The following LRRC4C variants were observed in gnomAD, a reference collection of about 807,000 sequenced individuals.
LRRC4C encodes leucine rich repeat containing 4C.
Under a neutral mutation model 33.6 loss-of-function variants are expected in LRRC4C, and 5 were observed. The observed-to-expected ratio is 0.15, with a 90% CI of 0.08 to 0.31. The LOEUF is 0.31. Among genes scored for constraint, LRRC4C ranks in the 10% least tolerant of loss-of-function variants. LRRC4C has a pLI of 1.00. For missense variants in LRRC4C, 560 were observed against 796.7 expected (o/e 0.70, Z 3.58); for synonymous variants, 329 against 302.0 (o/e 1.09, Z -0.93).
chr11:40,657,650 G>A (rs769780870), intron 2 of LRRC4C, among the ~76,000 whole-genome samples: 2 of 152,164 alleles, frequency 1.3e-5, no homozygotes, highest in Non-Finnish European at 2.9e-5. Flanking sequence ...GCTTCAAGTT[G>A]TCCTGCCTTT....
At chr11:41,118,802 C>A (rs2135747529) in intron 1 of LRRC4C, among the ~76,000 whole-genome samples, 1 of 152,186 alleles carries the variant, frequency 6.6e-6, no homozygotes, top group East Asian at 1.9e-4. Context: ...CAATAAATAG[C>A]CCTGTGGAAC....
At chr11:41,050,236 G>T (rs1248460570) in intron 1 of LRRC4C, among the ~76,000 whole-genome samples, 1 of 152,074 alleles carries the variant, frequency 6.6e-6, no homozygotes, top group Non-Finnish European at 1.5e-5. Flanking sequence ...CATATTTAGT[G>T]TACTCATCTG....
intron 2 of LRRC4C, among the ~76,000 whole-genome samples, chr11:40,723,645 A>G (rs1947139739): frequency 1.3e-5 from 2 of 152,140 alleles, no homozygotes; most frequent in Non-Finnish European, 2.9e-5. Context: ...TACACCTCCT[A>G]CCACAAAAAC....
intron 2 of LRRC4C, among the ~76,000 whole-genome samples, chr11:40,780,976 C>A (rs1033488877): frequency 6.6e-6 from 1 of 151,940 alleles, no homozygotes; most frequent in Non-Finnish European, 1.5e-5. Context: ...TTACTGACAG[C>A]GATATGTTCT....
Position 40,859,703 on chromosome 11 carries a change from T to C in LRRC4C, c.-407+73932A>G, listed in dbSNP as rs560749803. ...CGCCAAAAGATGGAAACAGCCCAAA[T>C]TTTTATTAACAATTGTGATATGTGT... is the stretch of plus-strand genomic sequence containing the variant. On this transcript the variant is annotated intron_variant, in intron 2 of 6. Coordinates refer to ENST00000528697, the MANE Select transcript of LRRC4C (RefSeq NM_001258419.2). Among the ~76,000 whole-genome samples, 15 of 152,294 alleles carry C rather than the reference T, an allele frequency of 9.8e-5. No individual in the cohort carries two copies. The South Asian group carries it at 2.9e-3, about 29-fold the overall frequency.
intron 1 of LRRC4C, among the ~76,000 whole-genome samples, chr11:41,380,061 A>G (rs1953086344): frequency 6.6e-6 from 1 of 152,100 alleles, no homozygotes; most frequent in Non-Finnish European, 1.5e-5. Flanking sequence ...GCAATGGGAA[A>G]TTTTAAGGAG....
chr11:40,648,779 C>A (rs997616326), intron 2 of LRRC4C, among the ~76,000 whole-genome samples: 7 of 152,120 alleles, frequency 4.6e-5, no homozygotes, highest in African/African-American at 1.7e-4. Flanking sequence ...ATCGGGAGAA[C>A]CCACTCCCAA....
intron 2 of LRRC4C, among the ~76,000 whole-genome samples, chr11:40,919,584 C>T (rs1957093415): frequency 6.6e-6 from 1 of 152,108 alleles, no homozygotes; most frequent in South Asian, 2.1e-4. Context: ...GTTTCCTCAT[C>T]TGCTTATTAT....
chr11:40,898,627 G>A (rs1453693440), intron 2 of LRRC4C, among the ~76,000 whole-genome samples: 1 of 152,106 alleles, frequency 6.6e-6, no homozygotes, highest in Non-Finnish European at 1.5e-5. Context: ...GATACATCCT[G>A]AGGTCTGGCT....
intron 2 of LRRC4C, among the ~76,000 whole-genome samples, chr11:40,755,377 A>T (rs985320005): frequency 6.6e-6 from 1 of 152,128 alleles, no homozygotes; most frequent in African/African-American, 2.4e-5. Flanking sequence ...AGAGAGGTAC[A>T]GAAATTAGCC....
At chr11:40,511,029 G>C (rs1249331762) in intron 3 of LRRC4C, among the ~76,000 whole-genome samples, 2 of 152,178 alleles carry the variant, frequency 1.3e-5, no homozygotes, top group Non-Finnish European at 2.9e-5. Context: ...AATCCAGGTT[G>C]AGGAGAAAAA....
chr11:41,341,671 T>C (rs7104132), intron 1 of LRRC4C, among the ~76,000 whole-genome samples: 2,764 of 152,312 alleles, frequency 0.018, 83 homozygotes, highest in African/African-American at 0.061. Flanking sequence ...TCTGCTCATC[T>C]TTCCAAGCAT....
chr11:40,679,558 G>A (rs962136397), intron 2 of LRRC4C, among the ~76,000 whole-genome samples: 9 of 152,138 alleles, frequency 5.9e-5, no homozygotes, highest in African/African-American at 2.2e-4. Flanking sequence ...AGGGACTTGG[G>A]GCCTTGCATC....
At chr11:40,854,328 A>C (rs1953661793) in intron 2 of LRRC4C, among the ~76,000 whole-genome samples, 1 of 152,216 alleles carries the variant, frequency 6.6e-6, no homozygotes, top group Non-Finnish European at 1.5e-5. Context: ...TGGAATGGCA[A>C]GGCTGCTGCC....
chr11:40,276,786 G>C (rs2136401454), intron 4 of LRRC4C, among the ~76,000 whole-genome samples: 1 of 151,584 alleles, frequency 6.6e-6, no homozygotes, highest in East Asian at 1.9e-4. Context: ...TTTTGTGCCT[G>C]TCTTCCCTGC....
chr11:40,734,981 A>ATC (rs1464371609), intron 2 of LRRC4C, among the ~76,000 whole-genome samples: 1 of 149,578 alleles, frequency 6.7e-6, no homozygotes, highest in Non-Finnish European at 1.5e-5. Context: ...GAAAAAAATA[A>ATC]TCTCTCTCTC....
intron 1 of LRRC4C, among the ~76,000 whole-genome samples, chr11:40,950,886 T>A (rs1283843444): frequency 6.6e-6 from 1 of 151,762 alleles, no homozygotes; most frequent in Non-Finnish European, 1.5e-5. Flanking sequence ...CTTGCTTATT[T>A]TTTTTTTTTA....
intron 3 of LRRC4C, among the ~76,000 whole-genome samples, chr11:40,452,257 G>A (rs1408847402): frequency 6.6e-6 from 1 of 152,044 alleles, no homozygotes; most frequent in Non-Finnish European, 1.5e-5. Context: ...TACAGAATGG[G>A]AGAAAATTTT....
At chr11:41,445,093 A>G (rs1955778288) in intron 1 of LRRC4C, among the ~76,000 whole-genome samples, 1 of 152,118 alleles carries the variant, frequency 6.6e-6, no homozygotes, top group Non-Finnish European at 1.5e-5. Context: ...ATGAGCCACC[A>G]CGCCCGACAT....
Sources: gnomAD v4.1 joint callset for allele counts (sites outside exome capture counted in the v4.1 genomes callset) on GRCh38, gnomAD v4.1.1 for gene constraint, MANE v1.5 for transcripts, NCBI Gene and HGNC (gene_info 2026-07-23, HGNC 2026-07-21) for gene names.